Variants in MMP26 observed in about 807,000 individuals in gnomAD.
MMP26 encodes matrix metallopeptidase 26, also known as matrix metalloproteinase-26.
In MMP26, 33 loss-of-function variants were observed where a neutral mutation model predicts 31.0. The observed-to-expected ratio is 1.06, with a 90% CI of 0.81 to 1.42. The LOEUF (loss-of-function observed/expected upper bound fraction) is 1.42. Ranked by LOEUF, MMP26 falls within the 40% of genes most tolerant of loss-of-function variation. The pLI, the probability that MMP26 is intolerant of heterozygous loss-of-function variation, is 0.00. For synonymous variants in MMP26, 122 were observed against 114.9 expected (o/e 1.06, Z -0.40); for missense variants, 347 against 316.1 (o/e 1.10, Z -0.74).
intron 2 of MMP26, among the ~76,000 whole-genome samples, chr11:4,956,351 T>C (rs377282942): frequency 5.9e-5 from 9 of 152,358 alleles, no homozygotes; most frequent in East Asian, 3.9e-4. Flanking sequence ...AGGGTGGATC[T>C]TTTCTGAAAA....
chr11:4,987,293 CTTA>C (rs1212347814), intron 2 of MMP26, among the ~76,000 whole-genome samples: 3 of 152,044 alleles, frequency 2.0e-5, no homozygotes, highest in African/African-American at 7.2e-5. Context: ...TGCGTGTCAA[CTTA>C]TTATCAATGC....
rs566216205 is a variant in MMP26, at chr11:4,788,407, C to T, written c.-145+21066C>T. ...TTGCTGGAGTAGTGTGATGCTACCA[C>T]ATGCACAATTCACACATAAACAAGG... On this transcript the variant is annotated intron_variant, in intron 2 of 7. Coordinates refer to ENST00000380390, the MANE Select transcript of MMP26 (RefSeq NM_021801.5). 3.9e-5 allele frequency among the ~76,000 whole-genome samples: 6 copies of T among 152,074 alleles called. No individual in the cohort carries two copies. In the South Asian group the frequency reaches 6.2e-4, roughly 16 times the overall value.
chr11:4,737,704 CT>C (rs1249700745), intron 1 of MMP26, among the ~76,000 whole-genome samples: 3 of 147,038 alleles, frequency 2.0e-5, no homozygotes, highest in African/African-American at 7.9e-5. Flanking sequence ...TTTTGGTCCC[CT>C]TTCACTTTGA....
intron 2 of MMP26, among the ~76,000 whole-genome samples, chr11:4,967,245 T>C (rs1482780085): frequency 1.3e-5 from 2 of 152,170 alleles, no homozygotes; most frequent in Non-Finnish European, 2.9e-5. Context: ...AATTTCCCAG[T>C]GAAACAAAAT....
intron 1 of MMP26, among the ~76,000 whole-genome samples, chr11:4,737,662 AC>A (rs1263314272): frequency 9.2e-6 from 1 of 109,084 alleles, no homozygotes; most frequent in Non-Finnish European, 1.9e-5. Context: ...CAAAACAAAC[AC>A]AAACACAAAA....
At chr11:4,781,309 A>T (rs1287649797) in intron 2 of MMP26, among the ~76,000 whole-genome samples, 2 of 71,872 alleles carry the variant, frequency 2.8e-5, no homozygotes, top group Non-Finnish European at 5.5e-5. Context: ...GATTGCAGGG[A>T]GGCCGAGGTG....
chr11:4,834,574 C>T (rs899371420), intron 2 of MMP26, among the ~76,000 whole-genome samples: 3 of 152,150 alleles, frequency 2.0e-5, no homozygotes, highest in Non-Finnish European at 2.9e-5. Context: ...AGTAAATAAA[C>T]CCCATCAGGG....
chr11:4,898,565 T>C (rs1589932626), intron 2 of MMP26, among the ~76,000 whole-genome samples: 1 of 152,252 alleles, frequency 6.6e-6, no homozygotes, highest in East Asian at 1.9e-4. Flanking sequence ...GGGATTAATG[T>C]ATTTAATATC....
intron 2 of MMP26, among the ~76,000 whole-genome samples, chr11:4,925,686 AG>A (rs1436418831): frequency 2.0e-5 from 3 of 151,962 alleles, no homozygotes; most frequent in African/African-American, 7.2e-5. Flanking sequence ...AAAACTAGAA[AG>A]GGGACAGAGA....
chr11:4,810,384 G>A (rs377631828), intron 2 of MMP26, among the ~76,000 whole-genome samples: 7 of 152,114 alleles, frequency 4.6e-5, no homozygotes, highest in African/African-American at 1.7e-4. Context: ...GCATATAAGA[G>A]GAGTATTTGT....
rs576384665 is a variant in MMP26 at position 4,927,312 on chromosome 11, C to T, written c.-144-60756C>T. Among the ~76,000 whole-genome samples the T allele has an allele frequency of 1.7e-4, 26 of 152,262 alleles. No homozygotes were observed. In the East Asian group the frequency reaches 5.0e-3, roughly 29 times the overall value. ...GTTACAAAGTGCTGTCAAATCCACT[C>T]TGATTGTCATGATACAATTTAAGGT... On this transcript the variant is annotated intron_variant, in intron 2 of 7. Transcript: ENST00000380390.
At chr11:4,848,123 A>G in intron 2 of MMP26, 2 of 1,104,630 alleles carry the variant, frequency 1.8e-6, no homozygotes, top group Non-Finnish European at 2.6e-6. Flanking sequence ...AGCTACATGC[A>G]CATATATGCA....
intron 2 of MMP26, among the ~76,000 whole-genome samples, chr11:4,970,790 C>T (rs1442271292): frequency 6.6e-6 from 1 of 152,154 alleles, no homozygotes; most frequent in African/African-American, 2.4e-5. Context: ...GTCCTCAGGT[C>T]ATCAGGCATT....
In MMP26 at chr11:4,985,267, G is replaced by T. The variant is rs528284607; in HGVS notation, c.-144-2801G>T. On this transcript the variant is annotated intron_variant, in intron 2 of 7. Coordinates refer to ENST00000380390, the MANE Select transcript of MMP26 (RefSeq NM_021801.5). ...ACCCTAGTTTATTAATCTTTGAAATGAGAATATAATAAGGTCTATATCACC... is the reference window on the plus strand; with the variant it reads ...ACCCTAGTTTATTAATCTTTGAAATTAGAATATAATAAGGTCTATATCACC... 6.6e-5 allele frequency among the ~76,000 whole-genome samples: 10 copies of T among 152,202 alleles called. No homozygotes were observed. In the South Asian group the frequency reaches 2.1e-3, roughly 32 times the overall value.
intron 1 of MMP26, among the ~76,000 whole-genome samples, chr11:4,713,912 T>G (rs1350664248): frequency 6.6e-6 from 1 of 151,882 alleles, no homozygotes; most frequent in Non-Finnish European, 1.5e-5. Flanking sequence ...TAAAAGAACA[T>G]GAAGTAGAAG....
intron 2 of MMP26, among the ~76,000 whole-genome samples, chr11:4,951,979 A>G (rs1294540431): frequency 8.0e-6 from 1 of 124,364 alleles, no homozygotes; most frequent in African/African-American, 2.7e-5. Flanking sequence ...GCAGCACTTA[A>G]GTGTCCTGTA....
intron 2 of MMP26, chr11:4,915,683 G>T (rs1044737742): frequency 6.3e-7 from 1 of 1,575,844 alleles, no homozygotes; most frequent in East Asian, 2.2e-5. Context: ...AGACAAGGGG[G>T]AAGGTGGGTG....
intron 2 of MMP26, chr11:4,832,739 T>C: frequency 5.5e-6 from 1 of 180,538 alleles, no homozygotes; most frequent in Non-Finnish European, 1.2e-5. Context: ...GGTTTGTTCG[T>C]TGCACTCTGC....
At chr11:4,985,707 T>A (rs1846876173) in intron 2 of MMP26, among the ~76,000 whole-genome samples, 2 of 152,228 alleles carry the variant, frequency 1.3e-5, no homozygotes, top group African/African-American at 4.8e-5. Flanking sequence ...TTTATTTTCT[T>A]AATTCATTGA....
Sources: allele counts gnomAD v4.1 joint callset (sites outside exome capture counted in the v4.1 genomes callset), GRCh38; gene constraint gnomAD v4.1.1; transcripts MANE v1.5; gene names NCBI Gene and HGNC (gene_info 2026-07-23, HGNC 2026-07-21).